TCF7L2: variants seen among roughly 807,000 people sequenced by gnomAD.
The protein encoded by TCF7L2 is transcription factor 7-like 2.
A neutral mutation model predicts 77.9 loss-of-function variants in TCF7L2; 23 were observed. That is an observed-to-expected ratio of 0.30 (90% confidence interval 0.21 to 0.42). The LOEUF (loss-of-function observed/expected upper bound fraction) is 0.42. Among genes scored for constraint, TCF7L2 ranks in the 10% least tolerant of loss-of-function variants. TCF7L2 has a pLI of 1.00. For synonymous variants in TCF7L2, 413 were observed against 340.2 expected, an observed-to-expected ratio of 1.21 and a Z score of -2.36; for missense variants, 654 against 793.1, an observed-to-expected ratio of 0.82 and a Z score of 2.11.
chr10:113,124,868 G>A (rs1324208293), intron 5 of TCF7L2, among the ~76,000 whole-genome samples: 3 of 151,854 alleles, frequency 2.0e-5, no homozygotes, highest in South Asian at 2.1e-4. Context: ...AGACCATCTT[G>A]GCTCCGAAGG....
intron 5 of TCF7L2, among the ~76,000 whole-genome samples, chr10:113,059,956 T>C (rs1261756084): frequency 1.3e-5 from 2 of 152,186 alleles, no homozygotes; most frequent in Admixed American, 6.5e-5. Context: ...TAAATTTGAA[T>C]GTTAGCCTTG....
At chr10:113,025,283 G>A (rs2048956187) in intron 4 of TCF7L2, among the ~76,000 whole-genome samples, 1 of 149,858 alleles carries the variant, frequency 6.7e-6, no homozygotes, top group Non-Finnish European at 1.5e-5. Flanking sequence ...TGGTGCCCAG[G>A]CTGGAGTGCA....
In TCF7L2 at chr10:113,110,069, G is replaced by C. The variant is rs180730524; in HGVS notation, c.553-31115G>C. 1.1e-4 allele frequency among the ~76,000 whole-genome samples: 16 copies of C among 152,220 alleles called. No individual in the cohort carries two copies. In the East Asian group the frequency reaches 2.7e-3, roughly 26 times the overall value. Reference sequence around the variant, plus strand: ...AACATGTTTATAAAATGTTAAACACGTCAGTTATATTTTTGGTTTAAAACA... The same window carrying C: ...AACATGTTTATAAAATGTTAAACACCTCAGTTATATTTTTGGTTTAAAACA... On this transcript the variant is annotated intron_variant, in intron 5 of 13. Coordinates refer to ENST00000627217, the MANE Select transcript of TCF7L2 (RefSeq NM_001146274.2).
intron 5 of TCF7L2, among the ~76,000 whole-genome samples, chr10:113,092,863 G>A (rs1041338376): frequency 6.6e-5 from 10 of 152,170 alleles, no homozygotes; most frequent in Admixed American, 3.9e-4. Flanking sequence ...AGACTCCCTC[G>A]GCTGGGGGGG....
At position 113,151,603 on chromosome 10, in the gene TCF7L2, T is replaced by A; in HGVS notation, c.1002-122T>A. 1 of 1,276,050 alleles carries A rather than the reference T, an allele frequency of 7.8e-7. No individual in the cohort carries two copies. Among genetic ancestry groups the A allele is most frequent in the Middle Eastern group, 2.0e-4 (1 of 5,104 alleles). The allele number at this position is 1,276,050 out of a possible 1,614,324, so 79.0% of individuals were successfully genotyped here. The stretch of plus-strand genomic sequence containing the variant: ...CCGGGGTGCAGAAGAACTAAAAGCA[T>A]GCTTTTTAATCCAAAACTGCTAGGC... On this transcript the variant is annotated intron_variant, in intron 9 of 13. Coordinates refer to ENST00000627217, the MANE Select transcript of TCF7L2 (RefSeq NM_001146274.2). The surrounding 1 kb of genome is among the most constrained non-coding windows in gnomAD (Gnocchi z 5.2).
chr10:113,144,401 C>G (rs1443854561), intron 7 of TCF7L2, among the ~76,000 whole-genome samples: 1 of 152,174 alleles, frequency 6.6e-6, no homozygotes, highest in East Asian at 1.9e-4. Flanking sequence ...GCTGCCCAAA[C>G]TGCAGTCATG....
intron 4 of TCF7L2, among the ~76,000 whole-genome samples, chr10:113,017,901 C>A (rs1590510846): frequency 6.6e-6 from 1 of 152,148 alleles, no homozygotes; most frequent in African/African-American, 2.4e-5. Flanking sequence ...CCAGAGCGGG[C>A]AGATGTAAAC....
At chr10:113,160,078 G>T (rs1441604265) in intron 12 of TCF7L2, 86 bp downstream of exon 14, 44 of 1,243,692 alleles carry the variant, frequency 3.5e-5, no homozygotes, top group Non-Finnish European at 4.7e-5. Context: ...TTGCTTTGTA[G>T]CTCTGTGTGT....
chr10:113,009,145 A>G (rs1051413741), intron 4 of TCF7L2, among the ~76,000 whole-genome samples: 2 of 152,112 alleles, frequency 1.3e-5, no homozygotes, highest in Non-Finnish European at 2.9e-5. Context: ...TATATTGCCC[A>G]TGCCGGAAGT....
At chr10:112,989,360 T>C (rs186341874) in intron 4 of TCF7L2, among the ~76,000 whole-genome samples, 5 of 148,618 alleles carry the variant, frequency 3.4e-5, no homozygotes, top group African/African-American at 1.2e-4. Flanking sequence ...GAGTTCACCA[T>C]TAAAAAAAAA....
chr10:113,117,757 G>A (rs2064059915), intron 5 of TCF7L2, among the ~76,000 whole-genome samples: 1 of 152,152 alleles, frequency 6.6e-6, no homozygotes, highest in Non-Finnish European at 1.5e-5. Flanking sequence ...GAAAAGACAA[G>A]GAAGGGAATG....
chr10:113,166,464 TTTC>T lies in TCF7L2; in HGVS notation c.*494_*496del. 1 of 222,794 alleles carries T rather than the reference TTTC, an allele frequency of 4.5e-6. No homozygotes were observed. Among genetic ancestry groups the T allele is most frequent in the Admixed American group, 5.7e-5 (1 of 17,406 alleles). 13.8% of individuals were successfully genotyped at this position (222,794 alleles called of 1,614,324 possible). A position where few individuals can be genotyped will look rare whatever the true frequency, so the allele number is the denominator to read the frequency against. On this transcript the variant is annotated 3_prime_UTR_variant, in exon 14 of 14. Transcript: ENST00000627217. ...GCAGTGCCGTTACTTTTTTTTTTTT[TTTC>T]TGTGTGAAACAACTCTTATTGTGAT...
intron 8 of TCF7L2, among the ~76,000 whole-genome samples, chr10:113,149,368 C>T (rs1455812975): frequency 2.0e-5 from 3 of 152,136 alleles, no homozygotes; most frequent in African/African-American, 7.2e-5. Flanking sequence ...TTTTTAAAAT[C>T]ATGTCATGCA....
At position 113,028,636 on chromosome 10, in the gene TCF7L2, A is replaced by G. The variant is rs912591433; in HGVS notation, c.451-11389A>G. 4.6e-5 allele frequency among the ~76,000 whole-genome samples: 7 copies of G among 152,302 alleles called. No individual in the cohort carries two copies. The South Asian group carries it at 8.3e-4, about 18-fold the overall frequency. On this transcript the variant is annotated intron_variant, in intron 4 of 13. Coordinates refer to ENST00000627217, the MANE Select transcript of TCF7L2 (RefSeq NM_001146274.2). ...CCAGCCTGTCTCGCATTTGCTGTCT[A>G]TGTAGACTCACTAAAGCAAGTTAAT...
chr10:113,073,526 A>C (rs2058330475), intron 5 of TCF7L2, among the ~76,000 whole-genome samples: 1 of 149,480 alleles, frequency 6.7e-6, no homozygotes, highest in African/African-American at 2.5e-5. Context: ...AAAAAAAAAA[A>C]AAAAAAATCA....
chr10:113,060,452 G>T (rs533052417), intron 5 of TCF7L2, among the ~76,000 whole-genome samples: 2 of 152,250 alleles, frequency 1.3e-5, no homozygotes, highest in Admixed American at 6.5e-5. Flanking sequence ...TTGTTTGTTA[G>T]ATAAACTTGT....
chr10:112,986,151 A>G (rs892856931), intron 4 of TCF7L2, among the ~76,000 whole-genome samples: 1 of 152,062 alleles, frequency 6.6e-6, no homozygotes, highest in African/African-American at 2.4e-5. Flanking sequence ...GCTCTGGTCA[A>G]GTCATTGGCT....
In TCF7L2 at chr10:112,955,590, G is replaced by C. The variant is rs555330834; in HGVS notation, c.381+3983G>C. On this transcript the variant is annotated intron_variant, in intron 3 of 13. Coordinates refer to ENST00000627217, the MANE Select transcript of TCF7L2 (RefSeq NM_001146274.2). ...TTGACTGTTTAAGGGAAGGAGCTTTGACTGATGCCCTCTGTGTCTGATTGA... is the reference window on the plus strand; with the variant it reads ...TTGACTGTTTAAGGGAAGGAGCTTTCACTGATGCCCTCTGTGTCTGATTGA... Among the ~76,000 whole-genome samples, 6 of 152,274 alleles carry C rather than the reference G, an allele frequency of 3.9e-5. No individual in the cohort carries two copies. In the South Asian group the frequency reaches 1.2e-3, roughly 32 times the overall value.
intron 4 of TCF7L2, among the ~76,000 whole-genome samples, chr10:113,020,178 T>G (rs2048052517): frequency 6.6e-6 from 1 of 152,222 alleles, no homozygotes. Flanking sequence ...GCAGCCATGC[T>G]GCCTCACAGC....
Sources: allele counts gnomAD v4.1 joint callset (sites outside exome capture counted in the v4.1 genomes callset), GRCh38; gene constraint gnomAD v4.1.1; non-coding constraint Gnocchi (gnomAD v3.1); transcripts MANE v1.5; gene names NCBI Gene and HGNC (gene_info 2026-07-23, HGNC 2026-07-21).